The following XPO7 variants were observed in gnomAD, a reference collection of about 807,000 sequenced individuals.
XPO7 encodes the protein exportin-7.
In XPO7, 21 loss-of-function variants were observed where a neutral mutation model predicts 144.3. That is an observed-to-expected ratio of 0.15 (90% confidence interval 0.10 to 0.21). The LOEUF is 0.21. XPO7 is among the 10% of genes least tolerant of loss of function. The pLI, the probability that XPO7 is intolerant of heterozygous loss-of-function variation, is 1.00. For missense variants in XPO7, 808 were observed against 1,325.8 expected (o/e 0.61, Z 6.06); for synonymous variants, 580 against 499.6 (o/e 1.16, Z -2.15).
intron 1 of XPO7, among the ~76,000 whole-genome samples, chr8:21,956,417 T>C (rs1325015780): frequency 6.6e-6 from 1 of 152,206 alleles, no homozygotes; most frequent in African/African-American, 2.4e-5. Context: ...TTTCATGTAT[T>C]ATGCTGGCAT....
At chr8:21,961,084 T>C (rs542596404) in intron 1 of XPO7, among the ~76,000 whole-genome samples, 2 of 152,318 alleles carry the variant, frequency 1.3e-5, no homozygotes, top group Admixed American at 1.3e-4. Flanking sequence ...TCCATACTGC[T>C]ATTGATGGGT....
intron 8 of XPO7, 49 bp downstream of exon 8, chr8:21,977,892 G>A (rs760880274): frequency 6.9e-5 from 104 of 1,511,718 alleles, no homozygotes; most frequent in Non-Finnish European, 2.6e-5. Flanking sequence ...ATAGAAGATA[G>A]CAATGGTGAA....
chr8:21,974,249 C>T (rs1812157846), intron 5 of XPO7, among the ~76,000 whole-genome samples: 1 of 151,678 alleles, frequency 6.6e-6, no homozygotes, highest in African/African-American at 2.4e-5. Flanking sequence ...CTCACTGTGT[C>T]TGCTTCTGGG....
intron 1 of XPO7, among the ~76,000 whole-genome samples, chr8:21,927,871 A>T (rs561006474): frequency 1.3e-5 from 2 of 152,084 alleles, no homozygotes; most frequent in Non-Finnish European, 2.9e-5. Context: ...TATTCCTCCC[A>T]TACCCGTCCC....
At chr8:21,984,352 C>G (rs11781959) in intron 11 of XPO7, among the ~76,000 whole-genome samples, 87,613 of 151,856 alleles carry the variant, frequency 0.58, 25,992 homozygotes, top group African/African-American at 0.72. Context: ...AGAGGTCAGA[C>G]AGTTGAGAAG....
At chr8:22,000,746 C>G (rs547756140) in intron 24 of XPO7, among the ~76,000 whole-genome samples, 1 of 152,290 alleles carries the variant, frequency 6.6e-6, no homozygotes, top group East Asian at 1.9e-4. Flanking sequence ...AGCCACCGTG[C>G]CTGGCCCAAC....
chr8:21,957,319 C>G (rs1585439639), intron 1 of XPO7, among the ~76,000 whole-genome samples: 1 of 152,102 alleles, frequency 6.6e-6, no homozygotes, highest in African/African-American at 2.4e-5. Context: ...GGAGGACTAT[C>G]TGGGAATCTT....
chr8:21,966,757 C>T, intron 1 of XPO7, 100 bp from the exon 2 acceptor site: 1 of 1,472,304 alleles, frequency 6.8e-7, no homozygotes, highest in Non-Finnish European at 9.0e-7. Context: ...GCAATTCTTT[C>T]TTTACTGATT....
At chr8:21,953,391 G>A (rs1313805730) in intron 1 of XPO7, among the ~76,000 whole-genome samples, 1 of 152,066 alleles carries the variant, frequency 6.6e-6, no homozygotes, top group Non-Finnish European at 1.5e-5. Context: ...CTTTCAGATT[G>A]GCATCTTAAA....
intron 26 of XPO7, among the ~76,000 whole-genome samples, 157 bp from the exon 27 acceptor site, chr8:22,003,746 C>T (rs1421765794): frequency 6.6e-6 from 1 of 152,016 alleles, no homozygotes; most frequent in East Asian, 1.9e-4. Flanking sequence ...CCATATTATC[C>T]CACAAGTGCT....
At chr8:21,984,572 C>CA in intron 11 of XPO7, 74 bp from the exon 12 acceptor site, 2 of 1,368,230 alleles carry the variant, frequency 1.5e-6, no homozygotes. Context: ...GTGAAGAAGT[C>CA]AGAGAGCTGC....
At chr8:21,920,595 CA>C (rs1280752698) in intron 1 of XPO7, among the ~76,000 whole-genome samples, 1 of 152,200 alleles carries the variant, frequency 6.6e-6, no homozygotes, top group Non-Finnish European at 1.5e-5. Flanking sequence ...GGGGCCAGGC[CA>C]CTCTCCTCAA....
chr8:21,969,386 GCCTTTTCTTGAATC>G (rs1811981004), intron 2 of XPO7, 83 bp from the exon 3 acceptor site: 1 of 1,032,170 alleles, frequency 9.7e-7, no homozygotes, highest in Non-Finnish European at 1.4e-6. Flanking sequence ...AAAACTGATT[GCCTTTTCTTGAATC>G]TGAGCAGAGA....
At chr8:21,999,003 G>T in intron 22 of XPO7, 88 bp from the exon 23 acceptor site, 1 of 1,529,426 alleles carries the variant, frequency 6.5e-7, no homozygotes, top group Non-Finnish European at 9.0e-7. Context: ...GGGGCCTACT[G>T]GAATTTGTAT....
chr8:21,992,115 C>G (rs1175795066), intron 19 of XPO7, 141 bp downstream of exon 19: 11 of 549,852 alleles, frequency 2.0e-5, no homozygotes, highest in Non-Finnish European at 3.5e-5. Flanking sequence ...AATTGCAGAA[C>G]CAGTATAGAT....
chr8:21,991,172 C>T (rs936746608), intron 18 of XPO7, among the ~76,000 whole-genome samples: 1 of 152,120 alleles, frequency 6.6e-6, no homozygotes, highest in African/African-American at 2.4e-5. Context: ...TCACATTCTT[C>T]GGGTGTTAAA....
chr8:21,944,506 G>A (rs1045436502), intron 1 of XPO7, among the ~76,000 whole-genome samples: 72 of 152,304 alleles, frequency 4.7e-4, no homozygotes, highest in African/African-American at 1.6e-3. Flanking sequence ...GGCGGAGGCT[G>A]CAGTGAGCTG....
Position 21,970,267 on chromosome 8 carries a change from A to G in XPO7, c.383A>G (p.Tyr128Cys), listed in dbSNP as rs767487387. ...LGWFDCQKDD[Y>C]VFRNAITDVT... is the part of the protein sequence containing the mutation. Reference sequence around the variant, plus strand: ...TGGTTTGACTGTCAGAAGGATGACTATGTCTTCAGAAATGCAATCACAGAC... The same window carrying G: ...TGGTTTGACTGTCAGAAGGATGACTGTGTCTTCAGAAATGCAATCACAGAC... Residue 128 changes from tyrosine (Y) to cysteine (C), a missense_variant, in exon 4 of 28, where the codon TAT (tyrosine) becomes TGT (cysteine). Tyr to Cys is a radical substitution (Grantham distance 194). This residue lies in a region of XPO7 where 223 missense variants were observed against 368.8 expected (regional missense o/e 0.60). Transcript: ENST00000252512. The G allele has an allele frequency of 5.0e-6, 8 of 1,613,796 alleles. No homozygotes were observed. Among genetic ancestry groups the G allele is most frequent in the South Asian group, 1.1e-5 (1 of 91,074 alleles).
chr8:21,997,472 C>T (rs1248062597), intron 21 of XPO7, among the ~76,000 whole-genome samples: 4 of 152,150 alleles, frequency 2.6e-5, no homozygotes, highest in Non-Finnish European at 1.5e-5. Context: ...TTCTGGTAGC[C>T]CTGCAAAGAT....
Sources: allele counts gnomAD v4.1 joint callset (sites outside exome capture counted in the v4.1 genomes callset), GRCh38; gene constraint gnomAD v4.1.1; regional missense constraint gnomAD v4.1.1; transcripts MANE v1.5; gene names NCBI Gene and HGNC (gene_info 2026-07-23, HGNC 2026-07-21).